Variants in NOS2 observed in about 807,000 individuals in gnomAD.
NOS2 encodes nitric oxide synthase 2, also known as nitric oxide synthase, inducible.
NOS2 carries 96 observed loss-of-function variants against 136.0 expected under a neutral mutation model. The ratio of observed to expected loss-of-function variants is 0.71; its 90% CI spans 0.60 to 0.84. NOS2 has a LOEUF of 0.84. Ranked by LOEUF, NOS2 falls within the 40% of genes least tolerant of loss-of-function variation. NOS2 has a pLI of 0.00. For synonymous variants in NOS2, 539 were observed against 587.5 expected (o/e 0.92, Z 1.20); for missense variants, 1,237 against 1,496.9 (o/e 0.83, Z 2.87).
At chr17:27,781,589 A>G (rs942235373) in intron 7 of NOS2, among the ~76,000 whole-genome samples, 4 of 151,738 alleles carry the variant, frequency 2.6e-5, no homozygotes, top group African/African-American at 9.7e-5. Context: ...GAGTTGCATT[A>G]GGTAGGCACT....
chr17:27,783,156 T>C lies in NOS2; in HGVS notation c.468-50A>G, dbSNP rs28942375. ...AGATCAACAATGAGATGGCCTTACA[T>C]GGGGATTAATTCAATCCACAGAAGC... On this transcript the variant is annotated intron_variant, in intron 5 of 26. Coordinates refer to ENST00000313735, the MANE Select transcript of NOS2 (RefSeq NM_000625.4). 4.8e-3 allele frequency: 7,598 copies of C among 1,589,832 alleles called. 277 individuals are homozygous for C. In the African/African-American group the frequency reaches 0.083, roughly 17 times the overall value.
Position 27,760,121 on chromosome 17 carries a change from T to C in NOS2, c.3068A>G (p.His1023Arg). The change falls in exon 25 of 27, where the codon CAC becomes CGC. Residue 1023 changes from histidine (H) to arginine (R), a missense_variant. His to Arg is a conservative substitution (Grantham distance 29). This residue lies in a region of NOS2 where 782 missense variants were observed against 909.9 expected (regional missense o/e 0.86). Transcript: ENST00000313735. Reference protein sequence around the residue: ...VFGCRRPDEDHIYQEEMLEMA... With the variant: ...VFGCRRPDEDRIYQEEMLEMA... The stretch of plus-strand genomic sequence containing the variant: ...CTCCAGCATCTCCTCCTGGTAGATG[T>C]GGTCCTCATCTGGGCGGCGGCACCC... 1.2e-6 allele frequency: 2 copies of C among 1,607,274 alleles called. No homozygotes were observed. Among genetic ancestry groups the C allele is most frequent in the Non-Finnish European group, 1.7e-6 (2 of 1,176,938 alleles).
At chr17:27,776,056 G>T (rs1311302056) in intron 11 of NOS2, among the ~76,000 whole-genome samples, 1 of 152,176 alleles carries the variant, frequency 6.6e-6, no homozygotes, top group East Asian at 1.9e-4. Flanking sequence ...CTGGGGAAGG[G>T]CAGAAGAGAG....
At chr17:27,773,751 C>T (rs1378359048) in intron 12 of NOS2, among the ~76,000 whole-genome samples, 1 of 152,206 alleles carries the variant, frequency 6.6e-6, no homozygotes, top group Non-Finnish European at 1.5e-5. Context: ...CTCAATAGCT[C>T]ATGGTTACTG....
rs181034735 is a variant in NOS2 at position 27,787,219 on chromosome 17, C to G, written c.467+459G>C. 2.7e-3 allele frequency among the ~76,000 whole-genome samples: 418 copies of G among 152,242 alleles called. 5 individuals carry two copies. Among genetic ancestry groups the G allele is most frequent in the Middle Eastern group, 6.8e-3 (2 of 294 alleles). ...GCCTGACTAGGTGGTCTCAGAGATC[C>G]TTTCTGTCTCAAACATTTCATAATT... On this transcript the variant is annotated intron_variant, in intron 5 of 26. Coordinates refer to ENST00000313735, the MANE Select transcript of NOS2 (RefSeq NM_000625.4).
At chr17:27,767,282 T>G (rs1908335447) in intron 18 of NOS2, among the ~76,000 whole-genome samples, 1 of 152,232 alleles carries the variant, frequency 6.6e-6, no homozygotes, top group Non-Finnish European at 1.5e-5. Flanking sequence ...TGACACCTTC[T>G]CTACGACACT....
intron 11 of NOS2, 105 bp downstream of exon 11, chr17:27,778,585 A>G (rs1362921883): frequency 2.3e-6 from 2 of 884,738 alleles, no homozygotes; most frequent in Non-Finnish European, 3.7e-6. Flanking sequence ...CTGGACCTCT[A>G]GAGTGAGCAA....
intron 25 of NOS2, among the ~76,000 whole-genome samples, 182 bp from the exon 26 acceptor site, chr17:27,759,257 C>G (rs918659305): frequency 1.3e-5 from 2 of 152,136 alleles, no homozygotes; most frequent in African/African-American, 4.8e-5. Flanking sequence ...CCCTGGGGCT[C>G]GGCTGGGATT....
intron 1 of NOS2, 116 bp from the exon 2 acceptor site, chr17:27,798,998 C>T: frequency 1.7e-6 from 1 of 592,468 alleles, no homozygotes; most frequent in East Asian, 2.8e-5. Flanking sequence ...GCCCCTTCAT[C>T]AATGCTTTGC....
intron 2 of NOS2, among the ~76,000 whole-genome samples, chr17:27,792,815 C>CAAA (rs34992777): frequency 0.039 from 2,015 of 51,944 alleles, 238 homozygotes; most frequent in African/African-American, 0.14. Flanking sequence ...CCTATCTCTA[C>CAAA]AAAAAAAAAA....
At chr17:27,759,971 C>T in intron 25 of NOS2, 59 bp downstream of exon 25, 1 of 1,431,054 alleles carries the variant, frequency 7.0e-7, no homozygotes, top group Non-Finnish European at 9.2e-7. Context: ...TGTGGGGACC[C>T]AGGGCTCACA....
intron 9 of NOS2, among the ~76,000 whole-genome samples, chr17:27,779,287 CCTTATTATT>C (rs1908765002): frequency 1.3e-5 from 1 of 77,424 alleles, no homozygotes; most frequent in African/African-American, 4.8e-5. Context: ...TAATTTTTTT[CCTTATTATT>C]ATTATTATTA....
chr17:27,765,828 G>T, intron 19 of NOS2, 112 bp from the exon 20 acceptor site: 1 of 1,214,658 alleles, frequency 8.2e-7, no homozygotes. Context: ...TTCCTGGCTG[G>T]TTCCACAAGC....
intron 18 of NOS2, among the ~76,000 whole-genome samples, chr17:27,766,996 G>A (rs1292934766): frequency 7.6e-5 from 8 of 104,846 alleles, no homozygotes; most frequent in South Asian, 3.4e-4. Context: ...CCGAGACTCC[G>A]TCTCAAAAAA....
chr17:27,771,226 G>A (rs1448981733), intron 14 of NOS2, among the ~76,000 whole-genome samples: 1 of 152,190 alleles, frequency 6.6e-6, no homozygotes, highest in African/African-American at 2.4e-5. Context: ...CCCCGCTTAA[G>A]CCCTATGGTT....
chr17:27,777,104 C>T (rs141972237), intron 11 of NOS2, among the ~76,000 whole-genome samples: 2 of 152,310 alleles, frequency 1.3e-5, no homozygotes, highest in African/African-American at 4.8e-5. Flanking sequence ...GGGGCTCTTC[C>T]TGTTCCATCT....
chr17:27,790,074 G>A (rs1022724899), intron 2 of NOS2, among the ~76,000 whole-genome samples: 6 of 152,174 alleles, frequency 3.9e-5, no homozygotes, highest in African/African-American at 1.2e-4. Context: ...CAGCCACTTG[G>A]ATTGGTTGAC....
At chr17:27,794,743 C>CACAT (rs1389051068) in intron 2 of NOS2, among the ~76,000 whole-genome samples, 1 of 151,896 alleles carries the variant, frequency 6.6e-6, no homozygotes, top group Non-Finnish European at 1.5e-5. Flanking sequence ...CACACACACA[C>CACAT]ACACCATGCT....
In NOS2 at chr17:27,778,964, C is replaced by T. The variant is rs1385153832; in HGVS notation, c.1097G>A (p.Gly366Glu). ...LLEVGGLEFP[G>E]CPFNGWYMGT... ...CATGTACCAGCCATTGAAGGGGCAC[C>T]CTGGGAACTCCAGGCCGCCCACCTC... The change falls in exon 10 of 27, where the codon GGG (glycine) becomes GAG (glutamate). Residue 366 changes from glycine to glutamate, a missense_variant. By Grantham distance (98) the Gly-to-Glu change is moderately conservative (BLOSUM62 -2). Around this residue, in one of 3 missense-constraint regions of NOS2, gnomAD observed 440 missense variants for 545.4 expected, o/e 0.81. Coordinates refer to ENST00000313735, the MANE Select transcript of NOS2 (RefSeq NM_000625.4). The T allele has an allele frequency of 6.2e-7, 1 of 1,612,982 alleles. No individual in the cohort carries two copies. The highest frequency in any genetic ancestry group is 8.5e-7 in the Non-Finnish European group (1 of 1,179,216).
Sources: gnomAD v4.1 joint callset for allele counts (sites outside exome capture counted in the v4.1 genomes callset) on GRCh38, gnomAD v4.1.1 for gene constraint, gnomAD v4.1.1 regional missense constraint, MANE v1.5 for transcripts, NCBI Gene and HGNC (gene_info 2026-07-23, HGNC 2026-07-21) for gene names.